Variants in DNER observed in about 807,000 individuals in gnomAD.
The protein encoded by DNER is delta/notch like EGF repeat containing.
Under a neutral mutation model 78.2 loss-of-function variants are expected in DNER, and 33 were observed. The observed-to-expected ratio is 0.42, with a 90% CI of 0.32 to 0.56. DNER has a LOEUF of 0.56. Among genes scored for constraint, DNER ranks in the 20% least tolerant of loss-of-function variants. DNER has a pLI of 0.11. For missense variants in DNER, 918 were observed against 975.3 expected, an observed-to-expected ratio of 0.94 and a Z score of 0.78; for synonymous variants, 417 against 384.8, an observed-to-expected ratio of 1.08 and a Z score of -0.98.
intron 8 of DNER, among the ~76,000 whole-genome samples, chr2:229,426,987 T>C (rs984271997): frequency 1.3e-5 from 2 of 152,256 alleles, no homozygotes; most frequent in African/African-American, 4.8e-5. Flanking sequence ...GTCTCTAATT[T>C]CTTATCCTTT....
intron 2 of DNER, among the ~76,000 whole-genome samples, chr2:229,590,741 G>A (rs778354313): frequency 1.3e-5 from 2 of 152,220 alleles, no homozygotes; most frequent in African/African-American, 4.8e-5. Context: ...CTTGATCGTG[G>A]ACTTCCTTGT....
At chr2:229,694,884 T>A (rs1418453296) in intron 1 of DNER, among the ~76,000 whole-genome samples, 1 of 152,176 alleles carries the variant, frequency 6.6e-6, no homozygotes, top group Non-Finnish European at 1.5e-5. Context: ...GTGTTTTGAA[T>A]GTGAGGACAT....
chr2:229,388,241 T>C (rs1352758387), intron 11 of DNER, 24 bp downstream of exon 11: 2 of 1,596,760 alleles, frequency 1.3e-6, no homozygotes, highest in Non-Finnish European at 1.7e-6. Flanking sequence ...TAAATAACAG[T>C]GGCTGAGCTG....
chr2:229,706,824 C>T (rs1006033145), intron 1 of DNER, among the ~76,000 whole-genome samples: 108 of 152,176 alleles, frequency 7.1e-4, no homozygotes, highest in Non-Finnish European at 1.2e-3. Flanking sequence ...GATCCTCCCA[C>T]CTTGGCCTCC....
At chr2:229,552,440 T>C (rs140901189) in intron 4 of DNER, among the ~76,000 whole-genome samples, 2 of 152,320 alleles carry the variant, frequency 1.3e-5, no homozygotes, top group East Asian at 3.9e-4. Flanking sequence ...TTGTGAATTG[T>C]TGTTCCCATA....
intron 6 of DNER, among the ~76,000 whole-genome samples, 182 bp from the exon 7 acceptor site, chr2:229,477,435 G>T (rs1222420835): frequency 6.6e-6 from 1 of 152,162 alleles, no homozygotes; most frequent in Non-Finnish European, 1.5e-5. Flanking sequence ...AATCATAGTG[G>T]TTTAGAGTCA....
intron 1 of DNER, among the ~76,000 whole-genome samples, chr2:229,600,588 C>A (rs1018624032): frequency 1.1e-4 from 17 of 152,176 alleles, no homozygotes; most frequent in African/African-American, 4.1e-4. Flanking sequence ...ACCAGATATT[C>A]TTTTAGTCAT....
chr2:229,447,278 G>T, intron 8 of DNER, 38 bp downstream of exon 8: 1 of 1,523,040 alleles, frequency 6.6e-7, no homozygotes, highest in Non-Finnish European at 8.9e-7. Flanking sequence ...GTTTGAGATT[G>T]AGAAAAGGAA....
chr2:229,614,140 C>A (rs1247213544), intron 1 of DNER, among the ~76,000 whole-genome samples: 1 of 151,226 alleles, frequency 6.6e-6, no homozygotes. Context: ...AACAAACCTG[C>A]ACATTGTGCA....
chr2:229,493,079 C>A (rs982914519), intron 6 of DNER, among the ~76,000 whole-genome samples: 3 of 152,160 alleles, frequency 2.0e-5, no homozygotes, highest in Non-Finnish European at 4.4e-5. Context: ...GGATTTGTCT[C>A]CAGCAGGAGG....
At chr2:229,584,908 A>AG (rs1697471221) in intron 4 of DNER, among the ~76,000 whole-genome samples, 1 of 151,848 alleles carries the variant, frequency 6.6e-6, no homozygotes. Flanking sequence ...AAAAAAAAAA[A>AG]AAAGAAGAAG....
rs57947628 is a variant in DNER at position 229,517,109 on chromosome 2, C to CAA, written c.994-4175_994-4174dup. ...CTGGTGACAGAGTGAGACTCCGTCT[C>CAA]AAAAAAAAAAAAAAAAAAGAAAAAA... On this transcript the variant is annotated intron_variant, in intron 5 of 12. Coordinates refer to ENST00000341772, the MANE Select transcript of DNER (RefSeq NM_139072.4). 7.7e-3 allele frequency among the ~76,000 whole-genome samples: 446 copies of CAA among 57,736 alleles called. 1 individual carries two copies. Among genetic ancestry groups the CAA allele is most frequent in the African/African-American group, 0.023 (423 of 18,500 alleles). The allele number at this position is 57,736 out of a possible 152,430, so 37.9% of individuals were successfully genotyped here.
intron 5 of DNER, among the ~76,000 whole-genome samples, chr2:229,530,140 T>C (rs889300245): frequency 2.6e-5 from 4 of 152,212 alleles, no homozygotes; most frequent in African/African-American, 9.6e-5. Context: ...AGTTTTTCTA[T>C]AGATATAGAC....
intron 1 of DNER, among the ~76,000 whole-genome samples, chr2:229,693,445 T>A (rs971214639): frequency 2.6e-5 from 4 of 151,882 alleles, no homozygotes; most frequent in African/African-American, 4.8e-5. Flanking sequence ...CCCAAAAATG[T>A]GAAAGCAACT....
intron 6 of DNER, among the ~76,000 whole-genome samples, chr2:229,500,050 C>T (rs1482930477): frequency 6.6e-6 from 1 of 152,028 alleles, no homozygotes; most frequent in Non-Finnish European, 1.5e-5. Context: ...TCTCCTGCCT[C>T]AGCCTCCTGA....
intron 5 of DNER, among the ~76,000 whole-genome samples, chr2:229,546,736 A>G (rs1371432191): frequency 6.6e-6 from 1 of 152,192 alleles, no homozygotes; most frequent in Non-Finnish European, 1.5e-5. Flanking sequence ...ACCCCATCTC[A>G]AAAACAAAAA....
intron 4 of DNER, among the ~76,000 whole-genome samples, chr2:229,577,748 T>A (rs1294297832): frequency 6.6e-6 from 1 of 152,204 alleles, no homozygotes; most frequent in Non-Finnish European, 1.5e-5. Flanking sequence ...GGTGCCAGTG[T>A]GCTAGTAAGA....
chr2:229,453,920 T>TA (rs10602558), intron 7 of DNER, among the ~76,000 whole-genome samples: 28,563 of 105,988 alleles, frequency 0.27, 4,008 homozygotes, highest in Non-Finnish European at 0.33. Flanking sequence ...TAAAATATAT[T>TA]AAAAAAAAAA....
chr2:229,439,525 C>T (rs187619048), intron 8 of DNER, among the ~76,000 whole-genome samples: 11 of 152,306 alleles, frequency 7.2e-5, no homozygotes, highest in African/African-American at 1.9e-4. Context: ...CTCTTCTCAA[C>T]GCTAAGCTCA....
Sources: allele counts gnomAD v4.1 joint callset (sites outside exome capture counted in the v4.1 genomes callset), GRCh38; gene constraint gnomAD v4.1.1; transcripts MANE v1.5; gene names NCBI Gene and HGNC (gene_info 2026-07-23, HGNC 2026-07-21).